Variants in ZNF385A observed in about 807,000 individuals in gnomAD.
ZNF385A encodes the protein hematopoietic zinc finger protein.
Under a neutral mutation model 32.1 loss-of-function variants are expected in ZNF385A, and 14 were observed. The ratio of observed to expected loss-of-function variants is 0.44; its 90% CI spans 0.29 to 0.68. ZNF385A has a LOEUF of 0.68. Ranked by LOEUF, ZNF385A falls within the 30% of genes least tolerant of loss-of-function variation. ZNF385A has a pLI of 0.14. For missense variants in ZNF385A, 406 were observed against 478.4 expected (o/e 0.85, Z 1.41); for synonymous variants, 197 against 202.7 (o/e 0.97, Z 0.24).
chr12:54,382,846 A>ATTT (rs1184021060), intron 1 of ZNF385A, among the ~76,000 whole-genome samples: 4 of 150,564 alleles, frequency 2.7e-5, no homozygotes, highest in African/African-American at 1.0e-4. Flanking sequence ...TTTTTTTAAA[A>ATTT]AAAATATTTA....
Position 54,369,433 on chromosome 12 carries a change from A to G in ZNF385A, c.*823T>C, listed in dbSNP as rs1954401574. 1 of 151,650 alleles carries G rather than the reference A, an allele frequency of 6.6e-6. No homozygotes were observed. The highest frequency in any genetic ancestry group is 1.5e-5 in the Non-Finnish European group (1 of 67,900). 9.4% of individuals were successfully genotyped at this position (151,650 alleles called of 1,614,324 possible). A position where few individuals can be genotyped will look rare whatever the true frequency, so the allele number is the denominator to read the frequency against. On this transcript the variant is annotated 3_prime_UTR_variant, in exon 7 of 7. Transcript: ENST00000394313. ...ATCGGGGAGGCTACAGACTCGGCGAATCCTGCGAAGGGGAAGGGCGGGGGC... is the reference window on the plus strand; with the variant it reads ...ATCGGGGAGGCTACAGACTCGGCGAGTCCTGCGAAGGGGAAGGGCGGGGGC...
upstream of ZNF385A, chr12:54,384,738 TG>T: frequency 2.3e-6 from 3 of 1,303,764 alleles, no homozygotes; most frequent in Non-Finnish European, 2.9e-6. Context: ...CACAGTGCCC[TG>T]TGGGCCTGGG....
intron 1 of ZNF385A, among the ~76,000 whole-genome samples, chr12:54,384,117 TA>T (rs1008012507): frequency 2.6e-5 from 4 of 152,298 alleles, no homozygotes; most frequent in African/African-American, 9.6e-5. Context: ...CTACTGTTAC[TA>T]CCACCAATTT....
intron 2 of ZNF385A, 151 bp downstream of exon 2, chr12:54,375,693 C>T (rs1159754567): frequency 1.2e-5 from 8 of 676,996 alleles, no homozygotes; most frequent in Non-Finnish European, 2.1e-5. Flanking sequence ...GCCCCTCCTG[C>T]GGTATCCCCA....
At position 54,370,788 on chromosome 12, in the gene ZNF385A, A is replaced by C; in HGVS notation, c.775-67T>G. On this transcript the variant is annotated intron_variant, in intron 5 of 6. Coordinates refer to ENST00000394313, the MANE Select transcript of ZNF385A (RefSeq NM_015481.3). This position sits in a 1 kb window ranked among gnomAD's most constrained non-coding sequence, Gnocchi z 5.5. ...GGGGCAACAGCGAGGGAGTATAATCAAGCTCCAAGCACCGGCCCCCTCCCA... is the reference window on the plus strand; with the variant it reads ...GGGGCAACAGCGAGGGAGTATAATCCAGCTCCAAGCACCGGCCCCCTCCCA... The C allele has an allele frequency of 6.3e-7, 1 of 1,586,882 alleles. No individual in the cohort carries two copies.
chr12:54,373,619 C>T (rs1954677969), intron 3 of ZNF385A, among the ~76,000 whole-genome samples: 1 of 152,226 alleles, frequency 6.6e-6, no homozygotes, highest in African/African-American at 2.4e-5. Flanking sequence ...CTCAGATATT[C>T]TGATTCCCTT....
upstream of ZNF385A, among the ~76,000 whole-genome samples, chr12:54,388,089 C>T (rs956005409): frequency 7.0e-6 from 1 of 143,264 alleles, no homozygotes; most frequent in African/African-American, 2.8e-5. Flanking sequence ...GTGTGGCACC[C>T]ATGTCAGGCA....
chr12:54,370,412 A>G lies in ZNF385A; in HGVS notation c.945T>C (p.Ala315=), dbSNP rs1954460307. The G allele has an allele frequency of 6.5e-7, 1 of 1,543,586 alleles. No individual in the cohort carries two copies. The highest frequency in any genetic ancestry group is 1.4e-5 in the African/African-American group (1 of 72,774). Reference sequence around the variant, plus strand: ...AGCCTGCTGCCGCTGCCATCACTGCAGCCACCGCCAGGGGGCTGGGGAGCA... The same window carrying G: ...AGCCTGCTGCCGCTGCCATCACTGCGGCCACCGCCAGGGGGCTGGGGAGCA... ...GGLLPSPLAV[A]AVMAAAAGSP... The change falls in exon 7 of 7, where the codon GCT becomes GCC. Residue 315 remains alanine, a synonymous_variant. Coordinates refer to ENST00000394313, the MANE Select transcript of ZNF385A (RefSeq NM_015481.3). The surrounding 1 kb of genome is among the most constrained non-coding windows in gnomAD (Gnocchi z 5.5).
At chr12:54,387,440 G>T (rs943327932), upstream of ZNF385A, among the ~76,000 whole-genome samples, 4 of 152,190 alleles carry the variant, frequency 2.6e-5, no homozygotes, top group African/African-American at 9.7e-5. Context: ...TGGGCCGGGT[G>T]GGCAGAAACA....
intron 1 of ZNF385A, chr12:54,379,177 C>T (rs1359196234): frequency 2.0e-6 from 2 of 979,904 alleles, no homozygotes; most frequent in East Asian, 2.3e-4. Context: ...GTTGCCCGGG[C>T]GGCTCGGGGC....
intron 3 of ZNF385A, 73 bp from the exon 4 acceptor site, chr12:54,371,788 C>A: frequency 1.3e-6 from 2 of 1,584,374 alleles, no homozygotes; most frequent in African/African-American, 1.4e-5. Context: ...GGAAGAGACC[C>A]CCCCCATTTC....
chr12:54,388,224 GAAAGCTCCC>G (rs1469873442), upstream of ZNF385A, among the ~76,000 whole-genome samples: 5 of 152,174 alleles, frequency 3.3e-5, no homozygotes, highest in Admixed American at 3.3e-4. Context: ...CTTTATTAAA[GAAAGCTCCC>G]AACATGATTT....
At position 54,370,445 on chromosome 12, in the gene ZNF385A, C is replaced by A; in HGVS notation, c.912G>T (p.Ala304=). 6.4e-7 allele frequency: 1 copy of A among 1,550,662 alleles called. No homozygotes were observed. Among genetic ancestry groups the A allele is most frequent in the Non-Finnish European group, 8.7e-7 (1 of 1,146,476 alleles). ...CCAGGGGGCTGGGGAGCAGGCCGCCCGCCAGGGACTTGGGCAGCTCCTTGG... is the reference window on the plus strand; with the variant it reads ...CCAGGGGGCTGGGGAGCAGGCCGCCAGCCAGGGACTTGGGCAGCTCCTTGG... The part of the protein sequence containing the change: ...TFSKELPKSL[A]GGLLPSPLAV... The change falls in exon 7 of 7, where the codon GCG becomes GCT. Residue 304 remains alanine (A), a synonymous_variant. Transcript: ENST00000394313. The surrounding 1 kb of genome is among the most constrained non-coding windows in gnomAD (Gnocchi z 5.5).
chr12:54,376,051 C>A lies in ZNF385A; in HGVS notation c.88-97G>T, dbSNP rs551613567. 297 of 891,612 alleles carry A rather than the reference C, an allele frequency of 3.3e-4. 1 individual carries two copies. The highest frequency in any genetic ancestry group is 4.9e-4 in the Non-Finnish European group (269 of 545,388). 55.2% of individuals were successfully genotyped at this position (891,612 alleles called of 1,614,324 possible). ...TCTGTGTTGAACCAAGGTCCCCAGA[C>A]CCCTTCTATCCCTTAATATGCCTGA... On this transcript the variant is annotated intron_variant, in intron 1 of 6. Coordinates refer to ENST00000394313, the MANE Select transcript of ZNF385A (RefSeq NM_015481.3).
intron 3 of ZNF385A, 35 bp from the exon 4 acceptor site, chr12:54,371,750 G>C (rs1321338098): frequency 1.9e-6 from 3 of 1,609,088 alleles, no homozygotes; most frequent in East Asian, 4.5e-5. Context: ...GATCACCCTA[G>C]ATGGCTCTTG....
chr12:54,374,158 T>C, intron 2 of ZNF385A, 23 bp from the exon 3 acceptor site: 1 of 1,481,408 alleles, frequency 6.8e-7, no homozygotes, highest in Non-Finnish European at 9.0e-7. Context: ...AGGAAGAAAA[T>C]GGAATCTGAG....
chr12:54,378,532 A>G (rs528517667), intron 1 of ZNF385A, among the ~76,000 whole-genome samples: 1 of 152,244 alleles, frequency 6.6e-6, no homozygotes, highest in Admixed American at 6.5e-5. Flanking sequence ...TGCTATGATT[A>G]TATTTCCTTC....
intron 1 of ZNF385A, among the ~76,000 whole-genome samples, chr12:54,380,137 T>C (rs1955070894): frequency 6.6e-6 from 1 of 151,624 alleles, no homozygotes; most frequent in Non-Finnish European, 1.5e-5. Context: ...GTCTAAGGAG[T>C]AGGAACTGCC....
rs1954972551 is a variant in ZNF385A, at chr12:54,378,726, G to A, written c.88-2772C>T. Among the ~76,000 whole-genome samples the A allele has an allele frequency of 2.0e-5, 3 of 152,078 alleles. No homozygotes were observed. In the South Asian group the frequency reaches 6.2e-4, roughly 31 times the overall value. On this transcript the variant is annotated intron_variant, in intron 1 of 6. Transcript: ENST00000394313. Reference sequence around the variant, plus strand: ...AGAGAGCAGGTGCAAGCTGGTGGGGGAGGGATGCTGGGAAGGGGCTGGGGC... The same window carrying A: ...AGAGAGCAGGTGCAAGCTGGTGGGGAAGGGATGCTGGGAAGGGGCTGGGGC...
Sources: gnomAD v4.1 joint callset for allele counts (sites outside exome capture counted in the v4.1 genomes callset) on GRCh38, gnomAD v4.1.1 for gene constraint, Gnocchi (gnomAD v3.1) non-coding constraint, MANE v1.5 for transcripts, NCBI Gene and HGNC (gene_info 2026-07-23, HGNC 2026-07-21) for gene names.